The following PLIN4 variants were observed in gnomAD, a reference collection of about 807,000 sequenced individuals.
PLIN4 encodes perilipin-4.
Under a neutral mutation model 52.4 loss-of-function variants are expected in PLIN4, and 57 were observed. The ratio of observed to expected loss-of-function variants is 1.09; its 90% CI spans 0.88 to 1.36. The LOEUF is 1.36. PLIN4 is among the 40% of genes most tolerant of loss of function. PLIN4 has a pLI of 0.00. For synonymous variants in PLIN4, 826 were observed against 785.4 expected (o/e 1.05, Z -0.86); for missense variants, 1,757 against 1,770.3 (o/e 0.99, Z 0.13).
At chr19:4,505,927 C>G (rs375564683) in intron 6 of PLIN4, among the ~76,000 whole-genome samples, 35 of 134,994 alleles carry the variant, frequency 2.6e-4, no homozygotes, top group African/African-American at 8.9e-4. Context: ...TTACAAGCCT[C>G]AGGGGTCTCT....
chr19:4,517,435 G>A, intron 3 of PLIN4, 119 bp downstream of exon 3: 1 of 1,270,712 alleles, frequency 7.9e-7, no homozygotes, highest in Non-Finnish European at 1.1e-6. Flanking sequence ...TGTCTGATGA[G>A]AGCACACAGA....
At chr19:4,509,601 G>A (rs955129548) in intron 5 of PLIN4, among the ~76,000 whole-genome samples, 12 of 152,038 alleles carry the variant, frequency 7.9e-5, no homozygotes, top group South Asian at 2.1e-4. Flanking sequence ...TCCAGCCTGG[G>A]CGACAAGAGT....
rs758592785 is a variant in PLIN4 at position 4,510,962 on chromosome 19, C to T, written c.2998G>A (p.Gly1000Arg). 2 of 1,613,346 alleles carry T rather than the reference C, an allele frequency of 1.2e-6. No homozygotes were observed. The highest frequency in any genetic ancestry group is 2.2e-5 in the South Asian group (2 of 91,074). The stretch of plus-strand genomic sequence containing the variant: ...GCCATGCTCATGGCACCGGTAACCC[C>T]ACTGAAGACAGTGTCCTTGGTACCC... ...LMGTKDTVFS[G>R]VTGAMSMAKG... Residue 1000 changes from glycine to arginine, a missense_variant, in exon 5 of 8, where the codon GGG (glycine) becomes AGG (arginine). Gly to Arg is a moderately radical substitution (Grantham distance 125). Around this residue, in one of 7 missense-constraint regions of PLIN4, gnomAD observed 712 missense variants for 637.1 expected, o/e 1.12. Transcript: ENST00000301286.
chr19:4,510,424 A>G (rs1366596689), intron 5 of PLIN4, 22 bp downstream of exon 5: 2 of 1,391,160 alleles, frequency 1.4e-6, no homozygotes, highest in Non-Finnish European at 1.9e-6. Flanking sequence ...TCAGGGACCC[A>G]TGAACCCAGG....
At chr19:4,508,145 G>T (rs1976154129) in intron 6 of PLIN4, among the ~76,000 whole-genome samples, 1 of 152,168 alleles carries the variant, frequency 6.6e-6, no homozygotes, top group Non-Finnish European at 1.5e-5. Flanking sequence ...CTGCTTTTGG[G>T]GGCTTTGCAG....
Position 4,512,125 on chromosome 19 carries a change from G to A in PLIN4, c.1835C>T (p.Ala612Val), listed in dbSNP as rs773587669. The change falls in exon 5 of 8, where the codon GCC (alanine) becomes GTC (valine). Residue 612 changes from alanine (A) to valine (V), a missense_variant. By Grantham distance (64) the Ala-to-Val change is moderately conservative. This residue lies in a region of PLIN4 where 439 missense variants were observed against 406.4 expected (regional missense o/e 1.08). Transcript: ENST00000301286. ...TTGLVGAVNVAKGTVQTGMDT... is the reference protein window; with the variant it reads ...TTGLVGAVNVVKGTVQTGMDT... Reference sequence around the variant, plus strand: ...CATGCCTGTCTGGACGGTCCCTTTGGCGACATTCACTGCCCCCACGAGCCC... The same window carrying A: ...CATGCCTGTCTGGACGGTCCCTTTGACGACATTCACTGCCCCCACGAGCCC... The A allele has an allele frequency of 4.4e-6, 7 of 1,607,034 alleles. No individual in the cohort carries two copies. The highest frequency in any genetic ancestry group is 1.7e-5 in the Admixed American group (1 of 59,024).
chr19:4,516,259 G>A (rs1015317995), intron 4 of PLIN4, among the ~76,000 whole-genome samples: 1 of 152,328 alleles, frequency 6.6e-6, no homozygotes, highest in East Asian at 1.9e-4. Flanking sequence ...CAGCCTGGGT[G>A]AAACAGCAAA....
rs530902198 is a variant in PLIN4, at chr19:4,512,556, A to G, written c.1404T>C (p.Thr468=). 551 of 1,603,966 alleles carry G rather than the reference A, an allele frequency of 3.4e-4. 1 individual carries two copies. Among genetic ancestry groups the G allele is most frequent in the Admixed American group, 3.0e-3 (176 of 59,350 alleles). ...CAGCACCGGTGACCCCACTGCAGAC[A>G]GTGTCCTTGGTACCAGTTAGAACGA... is the stretch of plus-strand genomic sequence containing the variant. ...TKIVLTGTKD[T]VCSGVTGAAN... is the part of the protein sequence containing the mutation. Residue 468 remains threonine (T), a synonymous_variant, in exon 5 of 8, where the codon ACT becomes ACC. Coordinates refer to ENST00000301286, the MANE Select transcript of PLIN4 (RefSeq NM_001367868.2).
At chr19:4,504,826 G>C in intron 7 of PLIN4, 35 bp downstream of exon 7, 2 of 1,602,532 alleles carry the variant, frequency 1.2e-6, no homozygotes, top group Non-Finnish European at 1.7e-6. Context: ...ACCCATGGGC[G>C]GGGTGGGGGG....
In PLIN4 at chr19:4,502,901, A is replaced by T. The variant is rs1475054716; in HGVS notation, c.*1558T>A. 6.6e-6 allele frequency: 1 copy of T among 152,330 alleles called. No individual in the cohort carries two copies. The highest frequency in any genetic ancestry group is 2.4e-5 in the African/African-American group (1 of 41,434). The allele number at this position is 152,330 out of a possible 1,614,324, so 9.4% of individuals were successfully genotyped here. ...AGAATTAGGCTGTGGTGTGGCGGGAAGGGACTTCCTGAGCTGCGGCCCCAT... is the reference window on the plus strand; with the variant it reads ...AGAATTAGGCTGTGGTGTGGCGGGATGGGACTTCCTGAGCTGCGGCCCCAT... On this transcript the variant is annotated 3_prime_UTR_variant, in exon 8 of 8. Coordinates refer to ENST00000301286, the MANE Select transcript of PLIN4 (RefSeq NM_001367868.2).
intron 6 of PLIN4, among the ~76,000 whole-genome samples, chr19:4,505,558 T>G (rs1451456045): frequency 6.6e-6 from 1 of 152,162 alleles, no homozygotes; most frequent in African/African-American, 2.4e-5. Flanking sequence ...TGGTGTTCAT[T>G]GACTTGGTGT....
At chr19:4,505,463 G>A (rs560545144) in intron 6 of PLIN4, among the ~76,000 whole-genome samples, 2 of 152,302 alleles carry the variant, frequency 1.3e-5, no homozygotes, top group South Asian at 2.1e-4. Flanking sequence ...GTGACCCTTG[G>A]TGAGACCTTC....
chr19:4,511,489 ACGGTCT>A lies in PLIN4; in HGVS notation c.2465_2470del (p.Lys822_Val824delinsMet), dbSNP rs1473801907. ...GACAGTGTCCTTGGTACCGGTCAGC[ACGGTCT>A]TGGCCGTGTCTACACCCATCTGGAC... On this transcript the variant is annotated inframe_deletion, in exon 5 of 8. Transcript: ENST00000301286. 6.2e-3 allele frequency: 9,638 copies of A among 1,542,284 alleles called. 380 individuals are homozygous for A. The African/African-American group carries it at 0.11, about 18-fold the overall frequency.
Position 4,513,391 on chromosome 19 carries a change from C to T in PLIN4, c.569G>A (p.Gly190Asp). The T allele has an allele frequency of 6.2e-7, 1 of 1,613,642 alleles. No individual in the cohort carries two copies. Among genetic ancestry groups the T allele is most frequent in the Non-Finnish European group, 8.5e-7 (1 of 1,179,884 alleles). ...CAGCACAGTCTTGGTGGTGTCCACA[C>T]CGGCCTGTACGGTCCCTTTGGCCAC... The part of the protein sequence containing the change: ...VNVAKGTVQA[G>D]VDTTKTVLTG... Residue 190 changes from glycine (G) to aspartate (D), a missense_variant, in exon 5 of 8, where the codon GGT (glycine) becomes GAT (aspartate). Around this residue, in one of 7 missense-constraint regions of PLIN4, gnomAD observed 332 missense variants for 310.8 expected, o/e 1.07. Transcript: ENST00000301286.
At chr19:4,516,954 G>C (rs1022294713) in intron 3 of PLIN4, among the ~76,000 whole-genome samples, 1 of 152,208 alleles carries the variant, frequency 6.6e-6, no homozygotes, top group Non-Finnish European at 1.5e-5. Flanking sequence ...GAGTCCCGGG[G>C]TTCATATAGC....
chr19:4,508,685 C>A, intron 6 of PLIN4, 83 bp downstream of exon 6: 1 of 1,385,052 alleles, frequency 7.2e-7, no homozygotes, highest in South Asian at 1.4e-5. Context: ...GGTGCTCAGT[C>A]AGTATCTGCA....
chr19:4,512,212 A>C lies in PLIN4; in HGVS notation c.1748T>G (p.Val583Gly), dbSNP rs202033986. Residue 583 changes from valine to glycine, a missense_variant, in exon 5 of 8, where the codon GTC becomes GGC. Val to Gly is a moderately radical substitution (Grantham distance 109). This residue lies in a region of PLIN4 where 439 missense variants were observed against 406.4 expected (regional missense o/e 1.08). Coordinates refer to ENST00000301286, the MANE Select transcript of PLIN4 (RefSeq NM_001367868.2). ...TGAANVAKGA[V>G]QTGVDTAKTV... The stretch of plus-strand genomic sequence containing the variant: ...CTTGGCTGTGTCTACACCTGTCTGG[A>C]CAGCCCCCTTGGCCACATTCGCTGC... The C allele has an allele frequency of 6.2e-7, 1 of 1,612,202 alleles. No individual in the cohort carries two copies. Among genetic ancestry groups the C allele is most frequent in the Admixed American group, 1.7e-5 (1 of 59,888 alleles).
chr19:4,515,264 A>G lies in PLIN4; in HGVS notation c.258+1353T>C, dbSNP rs1976555357. Among the ~76,000 whole-genome samples the G allele has an allele frequency of 1.3e-5, 2 of 151,564 alleles. 1 individual carries two copies. Among genetic ancestry groups the G allele is most frequent in the South Asian group, 4.2e-4 (2 of 4,762 alleles). On this transcript the variant is annotated intron_variant, in intron 4 of 7. Transcript: ENST00000301286. ...CTCTCGGGTGTACCTGTGAGGTGCT[A>G]CTTTTTTTGTTTGTTTGTTTTTTGA...
chr19:4,510,561 G>A lies in PLIN4; in HGVS notation c.3399C>T (p.Asp1133=). Residue 1133 remains aspartate, a synonymous_variant, in exon 5 of 8, where the codon GAC becomes GAT. Coordinates refer to ENST00000301286, the MANE Select transcript of PLIN4 (RefSeq NM_001367868.2). ...FTQGAAPGRE[D]TGLLATTHGP... ...CGTGTGTGGTGGCCAAAAGCCCCGT[G>A]TCCTCCCTGCCTGGGGCGGCCCCTT... 1 of 1,499,930 alleles carries A rather than the reference G, an allele frequency of 6.7e-7. No homozygotes were observed. The allele number at this position is 1,499,930 out of a possible 1,614,324, so 92.9% of individuals were successfully genotyped here.
Sources: allele counts gnomAD v4.1 joint callset (sites outside exome capture counted in the v4.1 genomes callset), GRCh38; gene constraint gnomAD v4.1.1; regional missense constraint gnomAD v4.1.1; transcripts MANE v1.5; gene names NCBI Gene and HGNC (gene_info 2026-07-23, HGNC 2026-07-21).